GNB5: variants seen among roughly 807,000 people sequenced by gnomAD.
GNB5 encodes the protein G protein subunit beta 5, also known as guanine nucleotide-binding protein subunit beta-5.
GNB5 carries 37 observed loss-of-function variants against 55.3 expected under a neutral mutation model. The observed-to-expected ratio is 0.67, with a 90% CI of 0.51 to 0.88. The LOEUF (loss-of-function observed/expected upper bound fraction) is 0.88. GNB5 is among the 40% of genes least tolerant of loss of function. The probability of loss-of-function intolerance (pLI) is 0.00; values close to 1 mark genes in which losing one functional copy is unlikely to be tolerated. For synonymous variants in GNB5, 219 were observed against 198.5 expected (o/e 1.10, Z -0.87); for missense variants, 476 against 515.3 (o/e 0.92, Z 0.74).
chr15:52,152,496 GT>G (rs1179722470), intron 4 of GNB5, among the ~76,000 whole-genome samples: 10 of 149,158 alleles, frequency 6.7e-5, no homozygotes. Flanking sequence ...GCTAATTTTT[GT>G]ATTTTTTAGT....
chr15:52,158,281 C>T (rs1312256773), intron 3 of GNB5, among the ~76,000 whole-genome samples: 1 of 152,176 alleles, frequency 6.6e-6, no homozygotes, highest in African/African-American at 2.4e-5. Context: ...CTCTCTTCCC[C>T]TGTGGGGTTG....
chr15:52,156,543 G>A (rs1001018547), intron 3 of GNB5, among the ~76,000 whole-genome samples: 8 of 152,160 alleles, frequency 5.3e-5, no homozygotes, highest in African/African-American at 1.9e-4. Flanking sequence ...ATCAGCCTGG[G>A]CAACATGGTG....
intron 1 of GNB5, among the ~76,000 whole-genome samples, chr15:52,188,051 C>G (rs1400648870): frequency 6.6e-6 from 1 of 152,110 alleles, no homozygotes; most frequent in Non-Finnish European, 1.5e-5. Context: ...AACAACTGAC[C>G]TGTTGGCATT....
At chr15:52,185,753 T>TTTTTATTATTATTA (rs1555409559) in intron 1 of GNB5, among the ~76,000 whole-genome samples, 6 of 136,724 alleles carry the variant, frequency 4.4e-5, no homozygotes, top group African/African-American at 1.6e-4. Flanking sequence ...TATTCATCTT[T>TTTTTATTATTATTA]TTATTATTAT....
chr15:52,118,200 G>A lies in GNB5; in HGVS notation c.*4557C>T, dbSNP rs1194508508. 1.3e-5 allele frequency: 2 copies of A among 152,182 alleles called. No individual in the cohort carries two copies. Among genetic ancestry groups the A allele is most frequent in the Non-Finnish European group, 1.5e-5 (1 of 68,098 alleles). The allele number at this position is 152,182 out of a possible 1,614,324, so 9.4% of individuals were successfully genotyped here. A position where few individuals can be genotyped will look rare whatever the true frequency, so the allele number is the denominator to read the frequency against. ...TCTTTCTTTGCCAAGCTCTTCCAAG[G>A]CCCTTAGTGGTTTCTGGGAGGTCTC... On this transcript the variant is annotated 3_prime_UTR_variant, in exon 13 of 13. Coordinates refer to ENST00000261837, the MANE Select transcript of GNB5 (RefSeq NM_016194.4).
chr15:52,177,744 G>C (rs961619600), intron 3 of GNB5, among the ~76,000 whole-genome samples: 16 of 152,124 alleles, frequency 1.1e-4, no homozygotes, highest in Non-Finnish European at 2.2e-4. Flanking sequence ...TCAATACAGT[G>C]ATAAGAACCT....
At chr15:52,160,339 A>G (rs2034305340) in intron 3 of GNB5, among the ~76,000 whole-genome samples, 1 of 152,232 alleles carries the variant, frequency 6.6e-6, no homozygotes, top group African/African-American at 2.4e-5. Flanking sequence ...GTGAGGTTCA[A>G]CTGAGAAGGC....
At chr15:52,143,357 C>T (rs1357582485) in intron 6 of GNB5, among the ~76,000 whole-genome samples, 1 of 152,130 alleles carries the variant, frequency 6.6e-6, no homozygotes, top group Admixed American at 6.5e-5. Flanking sequence ...GAAGGTTTTG[C>T]AGGGTGATGC....
At chr15:52,160,664 A>G (rs938903125) in intron 3 of GNB5, among the ~76,000 whole-genome samples, 3 of 152,224 alleles carry the variant, frequency 2.0e-5, no homozygotes, top group Non-Finnish European at 4.4e-5. Flanking sequence ...TAGCCTGACC[A>G]TTCTTATCAT....
intron 3 of GNB5, among the ~76,000 whole-genome samples, chr15:52,154,997 G>C (rs763625630): frequency 2.6e-5 from 4 of 152,182 alleles, no homozygotes; most frequent in Non-Finnish European, 1.5e-5. Flanking sequence ...GGAAGTGGCT[G>C]GAAAGCCACA....
chr15:52,122,708 T>G lies in GNB5; in HGVS notation c.*49A>C. 1 of 1,442,084 alleles carries G rather than the reference T, an allele frequency of 6.9e-7. No individual in the cohort carries two copies. The highest frequency in any genetic ancestry group is 2.3e-5 in the East Asian group (1 of 44,104). The allele number at this position is 1,442,084 out of a possible 1,614,324, so 89.3% of individuals were successfully genotyped here. On this transcript the variant is annotated 3_prime_UTR_variant, in exon 13 of 13. Transcript: ENST00000261837. ...TCTAGAAGTAATATCTATTTACATG[T>G]GAAGATTTCAAATTCTCAGGTATAC...
chr15:52,141,502 G>A lies in GNB5; in HGVS notation c.495-230C>T, dbSNP rs114741566. On this transcript the variant is annotated intron_variant, in intron 6 of 12. Transcript: ENST00000261837. ...AGGTTGGTCTTGAACTCTTGGCCTC[G>A]AACTCGTGGCCTCAAGCAATCCTCC... 0.032 allele frequency among the ~76,000 whole-genome samples: 4,725 copies of A among 149,270 alleles called. 255 individuals carry two copies. Among genetic ancestry groups the A allele is most frequent in the African/African-American group, 0.11 (4,524 of 40,550 alleles).
chr15:52,166,711 A>C (rs1395284443), intron 3 of GNB5, among the ~76,000 whole-genome samples: 1 of 152,176 alleles, frequency 6.6e-6, no homozygotes, highest in African/African-American at 2.4e-5. Context: ...TTTAGCACTA[A>C]ATGTCTATAT....
At chr15:52,132,320 T>C (rs1280398266) in intron 9 of GNB5, among the ~76,000 whole-genome samples, 2 of 152,174 alleles carry the variant, frequency 1.3e-5, no homozygotes, top group Non-Finnish European at 2.9e-5. Flanking sequence ...ATCTCAGATA[T>C]TTCATAATTC....
chr15:52,136,147 CACACACACACACACACACACACACA>C (rs1566935738), intron 7 of GNB5, among the ~76,000 whole-genome samples: 10 of 136,794 alleles, frequency 7.3e-5, no homozygotes, highest in Middle Eastern at 3.3e-3. Flanking sequence ...CACACACACA[CACACACACACACACACACACACACA>C]CCCTACCTGC....
intron 3 of GNB5, among the ~76,000 whole-genome samples, chr15:52,169,768 T>C: frequency 6.6e-6 from 1 of 151,816 alleles, no homozygotes; most frequent in Non-Finnish European, 1.5e-5. Flanking sequence ...ATAAACTACA[T>C]CAGAGTGAAG....
chr15:52,164,026 G>T (rs893988225), intron 3 of GNB5, among the ~76,000 whole-genome samples: 1 of 152,260 alleles, frequency 6.6e-6, no homozygotes, highest in Non-Finnish European at 1.5e-5. Context: ...AAAAACAGCC[G>T]GGCACGGTGG....
intron 3 of GNB5, among the ~76,000 whole-genome samples, chr15:52,167,457 G>C (rs1446343700): frequency 6.6e-6 from 1 of 152,086 alleles, no homozygotes. Context: ...ATCACCTGAG[G>C]TCAGGACTTT....
intron 3 of GNB5, among the ~76,000 whole-genome samples, chr15:52,157,914 T>C (rs2034249813): frequency 6.6e-6 from 1 of 151,684 alleles, no homozygotes; most frequent in Admixed American, 6.6e-5. Flanking sequence ...AAAAAAGACC[T>C]GGAAATGAGC....
Sources: allele counts gnomAD v4.1 joint callset (sites outside exome capture counted in the v4.1 genomes callset), GRCh38; gene constraint gnomAD v4.1.1; transcripts MANE v1.5; gene names NCBI Gene and HGNC (gene_info 2026-07-23, HGNC 2026-07-21).